The following OTUD7A variants were observed in gnomAD, a reference collection of about 807,000 sequenced individuals.
OTUD7A encodes OTU domain-containing protein 7A.
A neutral mutation model predicts 65.7 loss-of-function variants in OTUD7A; 12 were observed. The observed-to-expected ratio is 0.18, with a 90% CI of 0.12 to 0.30. The LOEUF is 0.30. Ranked by LOEUF, OTUD7A falls within the 10% of genes least tolerant of loss-of-function variation. The pLI is 1.00. For synonymous variants in OTUD7A, 641 were observed against 586.3 expected, an observed-to-expected ratio of 1.09 and a Z score of -1.35; for missense variants, 1,148 against 1,304.8, an observed-to-expected ratio of 0.88 and a Z score of 1.85.
intron 1 of OTUD7A, among the ~76,000 whole-genome samples, chr15:31,867,763 C>T (rs565145634): frequency 6.6e-6 from 1 of 152,216 alleles, no homozygotes; most frequent in Non-Finnish European, 1.5e-5. Flanking sequence ...CTAAGAGCCA[C>T]CTTCCAAAGA....
chr15:31,650,148 G>A (rs1595685060), intron 3 of OTUD7A, among the ~76,000 whole-genome samples: 1 of 96,062 alleles, frequency 1.0e-5, no homozygotes, highest in Non-Finnish European at 1.9e-5. Flanking sequence ...ATCAGGCCAG[G>A]CAAACTTCCT....
intron 1 of OTUD7A, among the ~76,000 whole-genome samples, chr15:31,687,669 C>T (rs1342395521): frequency 1.3e-5 from 2 of 152,226 alleles, no homozygotes; most frequent in African/African-American, 4.8e-5. Flanking sequence ...GGTCTAACTT[C>T]AGAGTCCTCC....
At chr15:31,800,304 C>T (rs1896086080) in intron 1 of OTUD7A, among the ~76,000 whole-genome samples, 1 of 152,086 alleles carries the variant, frequency 6.6e-6, no homozygotes, top group African/African-American at 2.4e-5. Flanking sequence ...GCCCGGGAGG[C>T]CTGTACTCTT....
intron 5 of OTUD7A, among the ~76,000 whole-genome samples, chr15:31,533,311 A>G (rs1231577611): frequency 1.4e-5 from 2 of 147,822 alleles, no homozygotes; most frequent in African/African-American, 5.1e-5. Context: ...ATTTCAGCTC[A>G]CTGCAACCTC....
At chr15:31,563,834 C>T (rs1888774116) in intron 4 of OTUD7A, among the ~76,000 whole-genome samples, 2 of 152,156 alleles carry the variant, frequency 1.3e-5, no homozygotes, top group South Asian at 4.1e-4. Context: ...CTTCTAGAGC[C>T]CAAATGACAA....
intron 3 of OTUD7A, among the ~76,000 whole-genome samples, chr15:31,642,280 T>C (rs1238001965): frequency 6.6e-6 from 1 of 152,226 alleles, no homozygotes; most frequent in Non-Finnish European, 1.5e-5. Flanking sequence ...GGTCATGAGG[T>C]AGTATCCTTT....
intron 1 of OTUD7A, among the ~76,000 whole-genome samples, chr15:31,689,911 A>T (rs1892924380): frequency 1.3e-5 from 2 of 152,010 alleles, no homozygotes; most frequent in South Asian, 4.2e-4. Context: ...GGGAACCTCA[A>T]AGTGAGGGGG....
chr15:31,846,756 A>T (rs1332936655), intron 1 of OTUD7A, among the ~76,000 whole-genome samples: 1 of 152,254 alleles, frequency 6.6e-6, no homozygotes, highest in Non-Finnish European at 1.5e-5. Context: ...CCGTGACAAG[A>T]AAAACCAAAC....
At chr15:31,822,058 T>C (rs747170566) in intron 1 of OTUD7A, among the ~76,000 whole-genome samples, 8 of 152,256 alleles carry the variant, frequency 5.3e-5, no homozygotes, top group Non-Finnish European at 1.0e-4. Flanking sequence ...CTATGGACTG[T>C]CTTTTTGCTT....
chr15:31,835,511 T>A (rs558644973), intron 1 of OTUD7A, among the ~76,000 whole-genome samples: 79 of 152,310 alleles, frequency 5.2e-4, no homozygotes, highest in Middle Eastern at 6.8e-3. Flanking sequence ...AAATAATAAG[T>A]ACAAGGCAGC....
intron 5 of OTUD7A, among the ~76,000 whole-genome samples, chr15:31,543,633 G>A (rs1377292088): frequency 2.0e-5 from 3 of 151,660 alleles, no homozygotes; most frequent in African/African-American, 4.8e-5. Flanking sequence ...AAATCAAAAG[G>A]CAAAAAGCAT....
At chr15:31,533,485 C>T (rs553943323) in intron 5 of OTUD7A, among the ~76,000 whole-genome samples, 16 of 152,230 alleles carry the variant, frequency 1.1e-4, no homozygotes, top group African/African-American at 3.1e-4. Context: ...GATCTGCCTG[C>T]GTTGGCCTCT....
chr15:31,725,741 G>A (rs535096536), intron 1 of OTUD7A, among the ~76,000 whole-genome samples: 2 of 152,282 alleles, frequency 1.3e-5, no homozygotes, highest in East Asian at 1.9e-4. Flanking sequence ...TTAAGTGGAT[G>A]CATTTAATTG....
At chr15:31,495,066 T>C (rs1444717925) in intron 10 of OTUD7A, among the ~76,000 whole-genome samples, 1 of 152,110 alleles carries the variant, frequency 6.6e-6, no homozygotes, top group Non-Finnish European at 1.5e-5. Flanking sequence ...CAGGTGTCTG[T>C]GCCTAATTTG....
intron 1 of OTUD7A, among the ~76,000 whole-genome samples, chr15:31,680,932 T>A (rs902528996): frequency 2.7e-5 from 4 of 150,510 alleles, no homozygotes; most frequent in African/African-American, 1.0e-4. Context: ...TGAATCCACT[T>A]CCCCATCAAT....
intron 1 of OTUD7A, among the ~76,000 whole-genome samples, chr15:31,717,575 C>T (rs1374353796): frequency 2.6e-5 from 4 of 152,160 alleles, no homozygotes; most frequent in Non-Finnish European, 5.9e-5. Context: ...TGAACTCATC[C>T]TTTTTCATGG....
intron 3 of OTUD7A, among the ~76,000 whole-genome samples, chr15:31,628,677 C>T (rs1002530156): frequency 2.6e-5 from 4 of 152,144 alleles, no homozygotes; most frequent in Admixed American, 2.0e-4. Flanking sequence ...TATAAATTAC[C>T]TTGGGCAGTA....
rs1022982310 is a variant in OTUD7A, at chr15:31,564,659, T to G, written c.331+5359A>C. On this transcript the variant is annotated intron_variant, in intron 4 of 12. Transcript: ENST00000307050. ...GTGAGTAAAAGTAGAATGTGTAACT[T>G]GCAAACCAGTAGAAAAATTTAACTA... 8.5e-5 allele frequency among the ~76,000 whole-genome samples: 13 copies of G among 152,224 alleles called. No individual in the cohort carries two copies. In the East Asian group the frequency reaches 1.9e-3, roughly 23 times the overall value.
At chr15:31,696,912 G>A (rs529953837) in intron 1 of OTUD7A, among the ~76,000 whole-genome samples, 1 of 150,624 alleles carries the variant, frequency 6.6e-6, no homozygotes, top group Non-Finnish European at 1.5e-5. Context: ...TCAAGGTCAG[G>A]GAGAGGAGAC....
Sources: allele counts gnomAD v4.1 joint callset (sites outside exome capture counted in the v4.1 genomes callset), GRCh38; gene constraint gnomAD v4.1.1; transcripts MANE v1.5; gene names NCBI Gene and HGNC (gene_info 2026-07-23, HGNC 2026-07-21).